Variants in TASOR observed in about 807,000 individuals in gnomAD.
TASOR encodes transcription activation suppressor.
Under a neutral mutation model 178.6 loss-of-function variants are expected in TASOR, and 53 were observed. The ratio of observed to expected loss-of-function variants is 0.30; its 90% confidence interval spans 0.24 to 0.37. The LOEUF (loss-of-function observed/expected upper bound fraction) is 0.37. TASOR is among the 10% of genes least tolerant of loss of function. The pLI is 1.00. For missense variants in TASOR, 1,815 were observed against 1,971.4 expected (o/e 0.92, Z 1.50); for synonymous variants, 713 against 696.2 (o/e 1.02, Z -0.38).
chr3:56,627,670 A>C lies in TASOR; in HGVS notation c.3942T>G (p.Val1314=), dbSNP rs369764063. Residue 1314 remains valine, a synonymous_variant, in exon 20 of 24, where the codon GTT becomes GTG. Coordinates refer to ENST00000683822, the MANE Select transcript of TASOR (RefSeq NM_001365635.2). ...ATAATTCATTGTATGTATGATTTTT[A>C]ACATCATCCAGGCTATCAACACCAG... The part of the protein sequence containing the change: ...SFAGVDSLDD[V]KNHTYNELFV... 5.1e-5 allele frequency: 82 copies of C among 1,614,140 alleles called. No individual in the cohort carries two copies. The highest frequency in any genetic ancestry group is 3.3e-4 in the South Asian group (30 of 91,082).
intron 1 of TASOR, among the ~76,000 whole-genome samples, chr3:56,682,431 G>A (rs559333587): frequency 5.3e-5 from 8 of 152,158 alleles, no homozygotes; most frequent in African/African-American, 1.7e-4. Context: ...GCAGCCTTAC[G>A]GACAAGCTTC....
chr3:56,644,954 T>C (rs562044019), intron 14 of TASOR, among the ~76,000 whole-genome samples: 38 of 152,280 alleles, frequency 2.5e-4, no homozygotes, highest in African/African-American at 5.3e-4. Flanking sequence ...GGCTACCACA[T>C]TGAATACCAT....
chr3:56,677,826 G>A (rs1043152381), intron 1 of TASOR, among the ~76,000 whole-genome samples: 1 of 151,982 alleles, frequency 6.6e-6, no homozygotes, highest in Middle Eastern at 3.2e-3. Context: ...GAGACAACAG[G>A]GCCAAGAGTC....
rs368756514 is a variant in TASOR, at chr3:56,632,338, G to A, written c.3747+706C>T. ...ATACAAAAAAAAATTAGCCAGGCAT[G>A]GTGTGGCACGCCTGTAATCCCAGCT... On this transcript the variant is annotated intron_variant, in intron 18 of 23. Coordinates refer to ENST00000683822, the MANE Select transcript of TASOR (RefSeq NM_001365635.2). 2.5e-4 allele frequency among the ~76,000 whole-genome samples: 38 copies of A among 152,084 alleles called. No individual in the cohort carries two copies. In the East Asian group the frequency reaches 7.2e-3, roughly 29 times the overall value.
intron 11 of TASOR, among the ~76,000 whole-genome samples, chr3:56,658,453 T>G (rs1467437299): frequency 6.6e-6 from 1 of 152,228 alleles, no homozygotes; most frequent in Admixed American, 6.5e-5. Flanking sequence ...AATAGATTTG[T>G]GTAACTCAGT....
chr3:56,667,774 T>A (rs1323100436), intron 6 of TASOR, among the ~76,000 whole-genome samples: 2 of 152,136 alleles, frequency 1.3e-5, no homozygotes, highest in East Asian at 3.9e-4. Context: ...CCATCTCTAT[T>A]TAAAAAGACA....
At chr3:56,637,515 T>A (rs1307504857) in intron 17 of TASOR, among the ~76,000 whole-genome samples, 2 of 151,480 alleles carry the variant, frequency 1.3e-5, no homozygotes, top group Non-Finnish European at 2.9e-5. Context: ...AGAGAGATTC[T>A]GTATCAGAGG....
In TASOR at chr3:56,645,938, G is replaced by T. The variant is rs111644014; in HGVS notation, c.2215+584C>A. ...CCGAGGCAGGCGGATCACGAGGTCA[G>T]GAGATCGAGACCATCCTGGCTCACA... On this transcript the variant is annotated intron_variant, in intron 14 of 23. Coordinates refer to ENST00000683822, the MANE Select transcript of TASOR (RefSeq NM_001365635.2). Among the ~76,000 whole-genome samples, 567 of 152,268 alleles carry T rather than the reference G, an allele frequency of 3.7e-3. 4 individuals carry two copies. The highest frequency in any genetic ancestry group is 0.013 in the African/African-American group (545 of 41,538).
At chr3:56,682,623 T>C (rs2031907361) in intron 1 of TASOR, 53 bp downstream of exon 1, 2 of 1,394,312 alleles carry the variant, frequency 1.4e-6, no homozygotes, top group Non-Finnish European at 1.9e-6. Context: ...AAGATTCTAA[T>C]GAAAAGATGG....
Position 56,633,138 on chromosome 3 carries a change from T to C in TASOR, c.3653A>G (p.Asn1218Ser), listed in dbSNP as rs1210737761. Residue 1218 changes from asparagine to serine, a missense_variant, in exon 18 of 24, where the codon AAT (asparagine) becomes AGT (serine). Transcript: ENST00000683822. ...FISQLEPEVF[N>S]SLVKIMKDVQ... ...GTCTTTCATGATTTTAACCAAACTATTAAATACTTCAGGTTCTAACTGGCT... is the reference window on the plus strand; with the variant it reads ...GTCTTTCATGATTTTAACCAAACTACTAAATACTTCAGGTTCTAACTGGCT... 1 of 1,614,056 alleles carries C rather than the reference T, an allele frequency of 6.2e-7. No individual in the cohort carries two copies. Among genetic ancestry groups the C allele is most frequent in the African/African-American group, 1.3e-5 (1 of 75,034 alleles).
chr3:56,643,199 G>A (rs1468685037), intron 14 of TASOR, among the ~76,000 whole-genome samples: 1 of 151,572 alleles, frequency 6.6e-6, no homozygotes, highest in African/African-American at 2.4e-5. Flanking sequence ...GGAGGCAGAG[G>A]TTGCAATGAG....
In TASOR at chr3:56,661,801, A is replaced by G. The variant is rs187272224; in HGVS notation, c.1160+584T>C. On this transcript the variant is annotated intron_variant, in intron 9 of 23. Coordinates refer to ENST00000683822, the MANE Select transcript of TASOR (RefSeq NM_001365635.2). ...AATATATCTACTTAGAATAAAACTAAAAAATTATATTTCAGACTTAAATCA... is the reference window on the plus strand; with the variant it reads ...AATATATCTACTTAGAATAAAACTAGAAAATTATATTTCAGACTTAAATCA... Among the ~76,000 whole-genome samples the G allele has an allele frequency of 5.8e-3, 885 of 152,276 alleles. 2 individuals are homozygous for G. Among genetic ancestry groups the G allele is most frequent in the Non-Finnish European group, 8.4e-3 (568 of 68,022 alleles).
chr3:56,665,950 CAGAG>C (rs747415539), intron 7 of TASOR, among the ~76,000 whole-genome samples: 2 of 152,100 alleles, frequency 1.3e-5, no homozygotes, highest in Non-Finnish European at 2.9e-5. Context: ...GCCTGGGGGA[CAGAG>C]AGAGACTCCA....
intron 7 of TASOR, 166 bp from the exon 8 acceptor site, chr3:56,663,738 A>C (rs1325247445): frequency 1.3e-5 from 14 of 1,055,226 alleles, no homozygotes; most frequent in Non-Finnish European, 1.6e-5. Flanking sequence ...AGTAAATCCA[A>C]GTCTACTTAG....
At chr3:56,626,509 G>C (rs772700694) in intron 21 of TASOR, among the ~76,000 whole-genome samples, 6 of 152,126 alleles carry the variant, frequency 3.9e-5, no homozygotes, top group African/African-American at 1.4e-4. Context: ...TTGGGAGGCC[G>C]AGGCAGGTGG....
At chr3:56,639,761 CCT>C (rs76679280) in intron 16 of TASOR, among the ~76,000 whole-genome samples, 16,708 of 152,134 alleles carry the variant, frequency 0.11, 1,265 homozygotes, top group South Asian at 0.35. Flanking sequence ...GTCTTAAATC[CCT>C]GTTTTTAAGG....
chr3:56,627,798 C>G (rs1197007193), intron 19 of TASOR, 57 bp from the exon 20 acceptor site: 2 of 1,543,802 alleles, frequency 1.3e-6, no homozygotes, highest in Admixed American at 3.6e-5. Flanking sequence ...TTGACAGACT[C>G]AAGTGTGAAG....
At chr3:56,636,214 G>A (rs1369364432) in intron 17 of TASOR, among the ~76,000 whole-genome samples, 1 of 151,544 alleles carries the variant, frequency 6.6e-6, no homozygotes, top group East Asian at 1.9e-4. Flanking sequence ...GGAAGCAGAG[G>A]CTGCAGTGAG....
At chr3:56,663,406 G>A (rs1384399512) in intron 8 of TASOR, 135 bp downstream of exon 8, 1 of 420,198 alleles carries the variant, frequency 2.4e-6, no homozygotes, top group African/African-American at 2.1e-5. Context: ...ACAACCAAAT[G>A]CGCTGATGCT....
Sources: allele counts gnomAD v4.1 joint callset (sites outside exome capture counted in the v4.1 genomes callset), GRCh38; gene constraint gnomAD v4.1.1; transcripts MANE v1.5; gene names NCBI Gene and HGNC (gene_info 2026-07-23, HGNC 2026-07-21).